Variants in GPC6 observed in about 807,000 individuals in gnomAD.
GPC6 encodes glypican-6.
GPC6 carries 14 observed loss-of-function variants against 55.2 expected under a neutral mutation model. The observed-to-expected ratio is 0.25, with a 90% CI of 0.17 to 0.40. The LOEUF (loss-of-function observed/expected upper bound fraction) is 0.40, where lower values mean the gene tolerates loss of function less well. Among genes scored for constraint, GPC6 ranks in the 10% least tolerant of loss-of-function variants. The pLI, the probability that GPC6 is intolerant of heterozygous loss-of-function variation, is 1.00. For missense variants in GPC6, 641 were observed against 708.5 expected (o/e 0.90, Z 1.08); for synonymous variants, 278 against 259.6 (o/e 1.07, Z -0.68).
intron 4 of GPC6, among the ~76,000 whole-genome samples, chr13:94,072,588 G>A (rs9524321): frequency 0.18 from 27,472 of 152,178 alleles, 2,616 homozygotes; most frequent in South Asian, 0.25. Context: ...TCCTGACCTC[G>A]TGATCTGCCC....
At chr13:93,650,907 C>T (rs566674590) in intron 2 of GPC6, among the ~76,000 whole-genome samples, 3 of 152,104 alleles carry the variant, frequency 2.0e-5, no homozygotes, top group African/African-American at 7.2e-5. Flanking sequence ...TTTGATGATA[C>T]ACTGTCAGCA....
intron 1 of GPC6, among the ~76,000 whole-genome samples, chr13:93,308,117 TACTAAAAATAC>T (rs1878936856): frequency 6.6e-6 from 1 of 151,932 alleles, no homozygotes; most frequent in South Asian, 2.1e-4. Context: ...ACCCCGTCTC[TACTAAAAATAC>T]AAAAAAATTA....
chr13:93,437,222 C>A (rs896192132), intron 1 of GPC6, among the ~76,000 whole-genome samples: 10 of 152,086 alleles, frequency 6.6e-5, no homozygotes, highest in African/African-American at 2.4e-4. Flanking sequence ...ACCTGAGACA[C>A]AGCAATGTTA....
intron 3 of GPC6, among the ~76,000 whole-genome samples, chr13:94,016,090 A>G (rs773943964): frequency 2.0e-5 from 3 of 152,104 alleles, no homozygotes; most frequent in African/African-American, 7.2e-5. Context: ...CTCTGCTTCC[A>G]TGAGTTTTTC....
chr13:93,349,440 A>C (rs1368306196), intron 1 of GPC6, among the ~76,000 whole-genome samples: 1 of 152,088 alleles, frequency 6.6e-6, no homozygotes, highest in Non-Finnish European at 1.5e-5. Flanking sequence ...GGCTACACTA[A>C]ATGTTGGGTA....
chr13:93,758,556 A>G (rs1439805267), intron 2 of GPC6, among the ~76,000 whole-genome samples: 2 of 152,158 alleles, frequency 1.3e-5, no homozygotes, highest in African/African-American at 4.8e-5. Context: ...TAGATAATTT[A>G]TATAGTTTAT....
At chr13:93,452,214 A>G (rs893092989) in intron 1 of GPC6, among the ~76,000 whole-genome samples, 14 of 152,288 alleles carry the variant, frequency 9.2e-5, no homozygotes, top group East Asian at 5.8e-4. Context: ...AGTAATAACT[A>G]TTTTTCAAGT....
At chr13:93,395,574 C>A in intron 1 of GPC6, 1 of 165,016 alleles carries the variant, frequency 6.1e-6, no homozygotes. Flanking sequence ...AAATGGGCAC[C>A]TGCTCATTGA....
intron 6 of GPC6, among the ~76,000 whole-genome samples, chr13:94,325,981 T>C (rs917622982): frequency 2.0e-5 from 3 of 152,180 alleles, no homozygotes; most frequent in Non-Finnish European, 2.9e-5. Flanking sequence ...CAGCCAGGCA[T>C]GCAGATTGAC....
chr13:93,908,029 C>A (rs1343422716), intron 3 of GPC6, among the ~76,000 whole-genome samples: 5 of 151,920 alleles, frequency 3.3e-5, no homozygotes, highest in East Asian at 3.9e-4. Flanking sequence ...ATATTAAAAT[C>A]TTTGATGGGA....
intron 1 of GPC6, among the ~76,000 whole-genome samples, chr13:93,533,252 T>G (rs1299115513): frequency 1.3e-5 from 2 of 152,170 alleles, no homozygotes; most frequent in African/African-American, 4.8e-5. Context: ...GTATAGGAAA[T>G]GTATGAGACT....
intron 2 of GPC6, among the ~76,000 whole-genome samples, chr13:93,701,240 G>A (rs559882431): frequency 2.0e-5 from 3 of 152,006 alleles, no homozygotes; most frequent in Non-Finnish European, 2.9e-5. Context: ...TATTATACAG[G>A]TAAACTAGAG....
rs183890989 is a variant in GPC6 at position 93,840,518 on chromosome 13, A to G, written c.711+9973A>G. Among the ~76,000 whole-genome samples, 99 of 151,704 alleles carry G rather than the reference A, an allele frequency of 6.5e-4. 2 individuals are homozygous for G. The highest frequency in any genetic ancestry group is 5.9e-3 in the Admixed American group (89 of 15,170). The stretch of plus-strand genomic sequence containing the variant: ...GTACTATTCTAGAATAATGCTAAAA[A>G]CAGGAAAATAATGAACATATTTTGA... On this transcript the variant is annotated intron_variant, in intron 3 of 8. Coordinates refer to ENST00000377047, the MANE Select transcript of GPC6 (RefSeq NM_005708.5).
At chr13:93,734,769 CAT>C (rs1883939542) in intron 2 of GPC6, among the ~76,000 whole-genome samples, 2 of 152,088 alleles carry the variant, frequency 1.3e-5, no homozygotes, top group African/African-American at 2.4e-5. Context: ...ATTGTAATTA[CAT>C]GTTTCCCTTT....
chr13:94,248,120 T>A (rs1891251069), intron 4 of GPC6, among the ~76,000 whole-genome samples: 1 of 152,138 alleles, frequency 6.6e-6, no homozygotes, highest in African/African-American at 2.4e-5. Flanking sequence ...ATGTGGGAAG[T>A]ACATTCGTCA....
chr13:93,741,117 CTTTTTTTTTTTT>C (rs772541106), intron 2 of GPC6, among the ~76,000 whole-genome samples: 2 of 77,184 alleles, frequency 2.6e-5, no homozygotes, highest in Non-Finnish European at 4.7e-5. Context: ...CATCCAGAAT[CTTTTTTTTTTTT>C]TTTTTTTTTT....
At chr13:93,264,902 G>A (rs868136807) in intron 1 of GPC6, among the ~76,000 whole-genome samples, 7 of 151,904 alleles carry the variant, frequency 4.6e-5, no homozygotes, top group Admixed American at 1.3e-4. Flanking sequence ...AGGGCTTACC[G>A]TATTTAGAAT....
At chr13:94,255,136 G>T (rs897468026) in intron 4 of GPC6, among the ~76,000 whole-genome samples, 1 of 152,162 alleles carries the variant, frequency 6.6e-6, no homozygotes, top group Non-Finnish European at 1.5e-5. Context: ...TCCCAGCCAT[G>T]TCCAAGCTGG....
intron 2 of GPC6, among the ~76,000 whole-genome samples, chr13:93,631,426 G>A (rs1879424505): frequency 6.6e-6 from 1 of 152,194 alleles, no homozygotes; most frequent in Non-Finnish European, 1.5e-5. Context: ...AACTAATCCT[G>A]TAGACATGTT....
Sources: gnomAD v4.1 joint callset for allele counts (sites outside exome capture counted in the v4.1 genomes callset) on GRCh38, gnomAD v4.1.1 for gene constraint, MANE v1.5 for transcripts, NCBI Gene and HGNC (gene_info 2026-07-23, HGNC 2026-07-21) for gene names.